NCAPD3: variants seen among roughly 807,000 people sequenced by gnomAD.
NCAPD3 encodes condensin-2 complex subunit D3.
A neutral mutation model predicts 182.9 loss-of-function variants in NCAPD3; 105 were observed. That is an observed-to-expected ratio of 0.57 (90% CI 0.49 to 0.68). The LOEUF (loss-of-function observed/expected upper bound fraction) is 0.68, where lower values mean the gene tolerates loss of function less well. Ranked by LOEUF, NCAPD3 falls within the 30% of genes least tolerant of loss-of-function variation. The pLI is 0.00. For missense variants in NCAPD3, 1,944 were observed against 1,837.0 expected (o/e 1.06, Z -1.07); for synonymous variants, 815 against 679.9 (o/e 1.20, Z -3.09).
chr11:134,209,156 A>T lies in NCAPD3; in HGVS notation c.783T>A (p.Val261=). The change falls in exon 6 of 35, where the codon GTT becomes GTA. Residue 261 remains valine (V), a synonymous_variant. Coordinates refer to ENST00000534548, the MANE Select transcript of NCAPD3 (RefSeq NM_015261.3). ...NFEPVLHECH[V]TQARALNQAK... is the part of the protein sequence containing the mutation. Reference sequence around the variant, plus strand: ...ATTTAATGGCTCACCTGGCTTGTGTAACATGACATTCATGAAGAACTGGCT... The same window carrying T: ...ATTTAATGGCTCACCTGGCTTGTGTTACATGACATTCATGAAGAACTGGCT... 1 of 1,613,450 alleles carries T rather than the reference A, an allele frequency of 6.2e-7. No individual in the cohort carries two copies.
chr11:134,204,026 T>C lies in NCAPD3; in HGVS notation c.1215+20A>G. 6.2e-7 allele frequency: 1 copy of C among 1,612,114 alleles called. No homozygotes were observed. Among genetic ancestry groups the C allele is most frequent in the Non-Finnish European group, 8.5e-7 (1 of 1,179,352 alleles). ...AGAGTTTAAAAAGGACCCAAGGTTT[T>C]ATGCAGAGCTATCTCCTACCTTGGA... is the stretch of plus-strand genomic sequence containing the variant. On this transcript the variant is annotated intron_variant, in intron 10 of 34. Transcript: ENST00000534548. This position sits in a 1 kb window ranked among gnomAD's most constrained non-coding sequence, Gnocchi z 4.3.
chr11:134,152,767 C>A lies in NCAPD3; in HGVS notation c.*177G>T, dbSNP rs1358719034. Reference sequence around the variant, plus strand: ...TCTCTATTATTTGACAGTGTTTAACCAAATACATCATACAGAATAGAAGGT... The same window carrying A: ...TCTCTATTATTTGACAGTGTTTAACAAAATACATCATACAGAATAGAAGGT... On this transcript the variant is annotated 3_prime_UTR_variant, in exon 35 of 35. Transcript: ENST00000534548. 4 of 520,238 alleles carry A rather than the reference C, an allele frequency of 7.7e-6. No homozygotes were observed. Among genetic ancestry groups the A allele is most frequent in the Non-Finnish European group, 1.3e-5 (4 of 297,862 alleles). 32.2% of individuals were successfully genotyped at this position (520,238 alleles called of 1,614,324 possible).
intron 32 of NCAPD3, among the ~76,000 whole-genome samples, chr11:134,156,643 TGCCC>T (rs1046103516): frequency 1.3e-5 from 2 of 152,140 alleles, no homozygotes; most frequent in African/African-American, 4.8e-5. Context: ...TGCTGACGTC[TGCCC>T]GCCCTGGGAG....
At chr11:134,158,928 G>C (rs1943505054) in intron 29 of NCAPD3, among the ~76,000 whole-genome samples, 1 of 152,042 alleles carries the variant, frequency 6.6e-6, no homozygotes, top group South Asian at 2.1e-4. Flanking sequence ...TACAATCTTT[G>C]TCTTTCTGTG....
Position 134,151,598 on chromosome 11 carries a change from T to A in NCAPD3, c.*1346A>T, listed in dbSNP as rs1943238225. On this transcript the variant is annotated 3_prime_UTR_variant, in exon 35 of 35. Coordinates refer to ENST00000534548, the MANE Select transcript of NCAPD3 (RefSeq NM_015261.3). ...ACGGAAAAGGAATACTCGTGTATTT[T>A]AAGATATGAATGTGACTCAAGACTC... The A allele has an allele frequency of 6.6e-6, 1 of 152,214 alleles. No homozygotes were observed. Among genetic ancestry groups the A allele is most frequent in the Admixed American group, 6.5e-5 (1 of 15,282 alleles). 9.4% of individuals were successfully genotyped at this position (152,214 alleles called of 1,614,324 possible).
At chr11:134,180,981 A>T in intron 20 of NCAPD3, 96 bp downstream of exon 20, 2 of 848,392 alleles carry the variant, frequency 2.4e-6, no homozygotes, top group Non-Finnish European at 3.8e-6. Flanking sequence ...CTCTTTTGTT[A>T]AAAGCATTTA....
chr11:134,159,326 G>A (rs1462392239), intron 29 of NCAPD3, among the ~76,000 whole-genome samples: 2 of 152,168 alleles, frequency 1.3e-5, no homozygotes, highest in South Asian at 2.1e-4. Context: ...TATTGGAATA[G>A]AATCTTCACG....
At chr11:134,212,304 T>C (rs1044374657) in intron 3 of NCAPD3, among the ~76,000 whole-genome samples, 2 of 152,116 alleles carry the variant, frequency 1.3e-5, no homozygotes, top group Non-Finnish European at 1.5e-5. Context: ...TAATGAAATG[T>C]AGGCTTTATA....
At position 134,181,865 on chromosome 11, in the gene NCAPD3, A is replaced by G. The variant is rs148924289; in HGVS notation, c.2452-681T>C. On this transcript the variant is annotated intron_variant, in intron 19 of 34. Coordinates refer to ENST00000534548, the MANE Select transcript of NCAPD3 (RefSeq NM_015261.3). ...CGACTTTTATTTTAGGAATGATGAC[A>G]TTATGTTGAAATTATCTGCTGATGT... Among the ~76,000 whole-genome samples the G allele has an allele frequency of 1.7e-3, 263 of 152,182 alleles. 2 individuals are homozygous for G. The highest frequency in any genetic ancestry group is 8.9e-3 in the East Asian group (46 of 5,176).
intron 29 of NCAPD3, 143 bp from the exon 30 acceptor site, chr11:134,158,638 C>T: frequency 2.4e-6 from 2 of 826,420 alleles, no homozygotes; most frequent in Non-Finnish European, 3.7e-6. Context: ...GGGTAATTGG[C>T]ATCTCCATCA....
chr11:134,212,334 C>A (rs1182192098), intron 3 of NCAPD3, among the ~76,000 whole-genome samples: 1 of 151,446 alleles, frequency 6.6e-6, no homozygotes, highest in Non-Finnish European at 1.5e-5. Context: ...AAAAATAACA[C>A]ACAAGAGGAG....
chr11:134,168,472 A>G lies in NCAPD3; in HGVS notation c.3370T>C (p.Leu1124=), dbSNP rs748640524. The change falls in exon 26 of 35, where the codon TTG becomes CTG. Residue 1124 remains leucine, a synonymous_variant. Coordinates refer to ENST00000534548, the MANE Select transcript of NCAPD3 (RefSeq NM_015261.3). ...NITSKICLSI[L]ACFADGILPL... ...CTCCCACACACACTGGGCTTACCCAAAATACTAAGGCAGATTTTGGAAGTG... is the reference window on the plus strand; with the variant it reads ...CTCCCACACACACTGGGCTTACCCAGAATACTAAGGCAGATTTTGGAAGTG... 1 of 1,614,210 alleles carries G rather than the reference A, an allele frequency of 6.2e-7. No homozygotes were observed. The highest frequency in any genetic ancestry group is 2.2e-5 in the East Asian group (1 of 44,888).
chr11:134,177,647 G>A (rs1944202444), intron 22 of NCAPD3, 190 bp from the exon 23 acceptor site: 1 of 593,340 alleles, frequency 1.7e-6, no homozygotes, highest in South Asian at 2.1e-5. Context: ...AATACCTAAG[G>A]AGAAATAAAC....
intron 32 of NCAPD3, 155 bp downstream of exon 32, chr11:134,156,863 G>C (rs1419985344): frequency 9.5e-6 from 6 of 632,246 alleles, no homozygotes; most frequent in Non-Finnish European, 1.4e-5. Context: ...AAGCGACCGT[G>C]GTCACTGTGA....
intron 27 of NCAPD3, among the ~76,000 whole-genome samples, chr11:134,165,078 C>A (rs752057111): frequency 6.6e-6 from 1 of 150,482 alleles, no homozygotes; most frequent in Non-Finnish European, 1.5e-5. Flanking sequence ...GAGCGGCACA[C>A]TCACTTGTGA....
rs544837831 is a variant in NCAPD3 at position 134,192,931 on chromosome 11, C to T, written c.1825-22G>A. The T allele has an allele frequency of 2.1e-5, 29 of 1,388,524 alleles. No homozygotes were observed. In the East Asian group the frequency reaches 6.2e-4, roughly 30 times the overall value. The allele number at this position is 1,388,524 out of a possible 1,614,324, so 86.0% of individuals were successfully genotyped here. On this transcript the variant is annotated intron_variant, in intron 15 of 34. Transcript: ENST00000534548. ...GAGCCTTAGGAGTGAAAGATTATGA[C>T]ATGAGAAGGTCTAAATACAAGTCAG...
intron 7 of NCAPD3, 24 bp from the exon 8 acceptor site, chr11:134,206,756 T>C: frequency 6.3e-7 from 1 of 1,595,050 alleles, no homozygotes; most frequent in Non-Finnish European, 8.5e-7. Context: ...GAAAATTCAA[T>C]TTAAGATCGG....
intron 27 of NCAPD3, among the ~76,000 whole-genome samples, chr11:134,165,141 G>C (rs1485548110): frequency 2.7e-5 from 4 of 150,752 alleles, no homozygotes; most frequent in Non-Finnish European, 5.9e-5. Context: ...TAGGGGAGCA[G>C]CACACTCACT....
chr11:134,165,534 G>A (rs1349641107), intron 27 of NCAPD3, among the ~76,000 whole-genome samples: 2 of 148,186 alleles, frequency 1.3e-5, no homozygotes, highest in South Asian at 2.2e-4. Flanking sequence ...CTTGTGAGAT[G>A]AGCTTAGGGG....
Sources: allele counts gnomAD v4.1 joint callset (sites outside exome capture counted in the v4.1 genomes callset), GRCh38; gene constraint gnomAD v4.1.1; non-coding constraint Gnocchi (gnomAD v3.1); transcripts MANE v1.5; gene names NCBI Gene and HGNC (gene_info 2026-07-23, HGNC 2026-07-21).